Variants in CSMD3 observed in about 807,000 individuals in gnomAD.
CSMD3 encodes the protein CUB and sushi domain-containing protein 3.
CSMD3 carries 177 observed loss-of-function variants against 435.2 expected under a neutral mutation model. That is an observed-to-expected ratio of 0.41 (90% confidence interval 0.36 to 0.46). The LOEUF is 0.46. Among genes scored for constraint, CSMD3 ranks in the 20% least tolerant of loss-of-function variants. The probability of loss-of-function intolerance (pLI) is 0.34; values close to 1 mark genes in which losing one functional copy is unlikely to be tolerated. For missense variants in CSMD3, 4,265 were observed against 4,504.6 expected (o/e 0.95, Z 1.52); for synonymous variants, 1,656 against 1,520.5 (o/e 1.09, Z -2.07).
At chr8:112,308,267 TC>T (rs1821632983) in intron 50 of CSMD3, among the ~76,000 whole-genome samples, 1 of 152,054 alleles carries the variant, frequency 6.6e-6, no homozygotes, top group Non-Finnish European at 1.5e-5. Context: ...ATATGCCATC[TC>T]CCTCCCAAAG....
At chr8:112,461,359 T>C (rs990171767) in intron 32 of CSMD3, among the ~76,000 whole-genome samples, 1 of 152,156 alleles carries the variant, frequency 6.6e-6, no homozygotes. Context: ...AAAAAGGCTG[T>C]ATGTAATGAC....
At chr8:112,629,317 T>C (rs1264823042) in intron 22 of CSMD3, among the ~76,000 whole-genome samples, 1 of 152,088 alleles carries the variant, frequency 6.6e-6, no homozygotes, top group Non-Finnish European at 1.5e-5. Context: ...TCCTCTTGCC[T>C]CAGCCTCCCC....
intron 2 of CSMD3, among the ~76,000 whole-genome samples, chr8:113,308,303 C>T (rs1478365487): frequency 9.2e-6 from 1 of 108,884 alleles, no homozygotes; most frequent in African/African-American, 3.6e-5. Flanking sequence ...GAGTCTCGCT[C>T]CGTCACCCAG....
intron 45 of CSMD3, among the ~76,000 whole-genome samples, chr8:112,329,283 A>G (rs1413941716): frequency 6.6e-6 from 1 of 152,150 alleles, no homozygotes; most frequent in Admixed American, 6.6e-5. Context: ...ACCTTGTTGA[A>G]ACAAGCGAGA....
intron 3 of CSMD3, among the ~76,000 whole-genome samples, chr8:113,248,451 AAT>A (rs778456986): frequency 1.1e-3 from 4 of 3,636 alleles, no homozygotes; most frequent in South Asian, 0.025. Context: ...ATAATATGGA[AAT>A]ATATGTGTGT....
intron 10 of CSMD3, among the ~76,000 whole-genome samples, chr8:112,872,951 T>C (rs1216067807): frequency 6.6e-6 from 1 of 151,852 alleles, no homozygotes; most frequent in Non-Finnish European, 1.5e-5. Context: ...ATGATCTGAC[T>C]AAGAAGATGA....
At chr8:112,384,209 G>A (rs994725310) in intron 36 of CSMD3, among the ~76,000 whole-genome samples, 12 of 151,708 alleles carry the variant, frequency 7.9e-5, no homozygotes, top group Admixed American at 2.0e-4. Context: ...TTTTTAACAC[G>A]CATATTTTTA....
intron 5 of CSMD3, among the ~76,000 whole-genome samples, chr8:113,083,828 G>A (rs2089655563): frequency 6.6e-6 from 1 of 151,924 alleles, no homozygotes; most frequent in African/African-American, 2.4e-5. Context: ...AAAATTAGCT[G>A]GGTGGCATGG....
chr8:113,242,574 T>C (rs2093230649), intron 3 of CSMD3, among the ~76,000 whole-genome samples: 1 of 152,042 alleles, frequency 6.6e-6, no homozygotes, highest in Non-Finnish European at 1.5e-5. Context: ...TTCTGCTTTG[T>C]CATGAACAAA....
intron 5 of CSMD3, among the ~76,000 whole-genome samples, chr8:113,062,135 T>G (rs2088642875): frequency 1.3e-5 from 2 of 151,874 alleles, no homozygotes; most frequent in Admixed American, 1.3e-4. Context: ...CACACCTAAT[T>G]CAGGCAAATT....
At chr8:112,699,360 C>T (rs1401618368) in intron 13 of CSMD3, among the ~76,000 whole-genome samples, 4 of 152,136 alleles carry the variant, frequency 2.6e-5, no homozygotes, top group Non-Finnish European at 4.4e-5. Context: ...GTAACATTCA[C>T]CGCTAGGGTC....
chr8:113,313,431 C>T (rs2093885703), intron 2 of CSMD3: 1 of 152,160 alleles, frequency 6.6e-6, no homozygotes, highest in South Asian at 2.1e-4. Flanking sequence ...ACGCCATTCT[C>T]CTGCCTCAGC....
intron 1 of CSMD3, among the ~76,000 whole-genome samples, chr8:113,346,854 A>G (rs1205798768): frequency 6.6e-6 from 1 of 152,128 alleles, no homozygotes; most frequent in Non-Finnish European, 1.5e-5. Context: ...TTTATAGAGA[A>G]TATACAGATT....
intron 31 of CSMD3, among the ~76,000 whole-genome samples, chr8:112,489,578 T>C (rs1046055661): frequency 6.6e-6 from 1 of 152,184 alleles, no homozygotes; most frequent in Non-Finnish European, 1.5e-5. Context: ...CACAGACCAA[T>C]GTTTAAAATA....
At chr8:113,051,204 T>C (rs773147101) in intron 5 of CSMD3, among the ~76,000 whole-genome samples, 36 of 152,128 alleles carry the variant, frequency 2.4e-4, no homozygotes, top group Non-Finnish European at 4.9e-4. Context: ...ACGCTGTTGG[T>C]TACATTAGCC....
At chr8:113,406,580 T>C (rs2094533771) in intron 1 of CSMD3, among the ~76,000 whole-genome samples, 1 of 151,972 alleles carries the variant, frequency 6.6e-6, no homozygotes, top group Non-Finnish European at 1.5e-5. Flanking sequence ...AAAAGTTCAA[T>C]CTAGTTATTT....
chr8:112,742,474 T>G (rs1375682321), intron 13 of CSMD3, among the ~76,000 whole-genome samples: 1 of 151,980 alleles, frequency 6.6e-6, no homozygotes, highest in Non-Finnish European at 1.5e-5. Flanking sequence ...GCTCTTTTTT[T>G]CTCATGAGAG....
At chr8:112,812,352 C>A (rs777705503) in intron 12 of CSMD3, among the ~76,000 whole-genome samples, 19 of 152,264 alleles carry the variant, frequency 1.2e-4, no homozygotes, top group Non-Finnish European at 2.4e-4. Flanking sequence ...TGGCCCATCC[C>A]AAGTGCTGGC....
At position 112,291,678 on chromosome 8, in the gene CSMD3, G is replaced by A. The variant is rs747460983; in HGVS notation, c.8806C>T (p.Pro2936Ser). 3 of 1,611,814 alleles carry A rather than the reference G, an allele frequency of 1.9e-6. No homozygotes were observed. The highest frequency in any genetic ancestry group is 1.1e-5 in the South Asian group (1 of 91,026). The change falls in exon 56 of 71, where the codon CCT becomes TCT. Residue 2936 changes from proline (P) to serine (S), a missense_variant. This residue lies in a region of CSMD3 where 3,255 missense variants were observed against 3,380.2 expected (regional missense o/e 0.96). Transcript: ENST00000297405. Reference protein sequence around the residue: ...PMCKVVNCSDPGIPANSKRES... With the variant: ...PMCKVVNCSDSGIPANSKRES... ...CTTTTAGAATTGGCTGGAATTCCAG[G>A]ATCAGAACAGTTGACCACTAAACAA...
Sources: gnomAD v4.1 joint callset for allele counts (sites outside exome capture counted in the v4.1 genomes callset) on GRCh38, gnomAD v4.1.1 for gene constraint, gnomAD v4.1.1 regional missense constraint, MANE v1.5 for transcripts, NCBI Gene and HGNC (gene_info 2026-07-23, HGNC 2026-07-21) for gene names.